TMEM132C: variants seen among roughly 807,000 people sequenced by gnomAD.
TMEM132C encodes protein phosphatase 1, regulatory subunit 152.
In TMEM132C, 29 loss-of-function variants were observed where a neutral mutation model predicts 61.4. That is an observed-to-expected ratio of 0.47 (90% CI 0.35 to 0.64). The LOEUF is 0.64. Ranked by LOEUF, TMEM132C falls within the 30% of genes least tolerant of loss-of-function variation. The pLI is 0.00. For synonymous variants in TMEM132C, 656 were observed against 633.1 expected (o/e 1.04, Z -0.54); for missense variants, 1,408 against 1,476.9 (o/e 0.95, Z 0.76).
intron 2 of TMEM132C, among the ~76,000 whole-genome samples, chr12:128,467,492 A>G (rs1380399403): frequency 6.6e-6 from 1 of 152,102 alleles, no homozygotes; most frequent in Non-Finnish European, 1.5e-5. Flanking sequence ...ATTGTTATGG[A>G]TGATTGTGAG....
intron 4 of TMEM132C, among the ~76,000 whole-genome samples, chr12:128,659,682 A>T (rs1448361651): frequency 6.6e-6 from 1 of 152,234 alleles, no homozygotes; most frequent in Non-Finnish European, 1.5e-5. Context: ...AAGGAAGGAC[A>T]CTTGGATTAA....
chr12:128,634,210 A>T (rs1954083505), intron 4 of TMEM132C, among the ~76,000 whole-genome samples: 1 of 152,178 alleles, frequency 6.6e-6, no homozygotes, highest in African/African-American at 2.4e-5. Context: ...AGTAGCTGGG[A>T]CTACAGGCAT....
At chr12:128,425,553 G>A (rs565859982) in intron 2 of TMEM132C, among the ~76,000 whole-genome samples, 13 of 152,274 alleles carry the variant, frequency 8.5e-5, no homozygotes, top group African/African-American at 1.4e-4. Context: ...AGCTCCCTGC[G>A]GCTGCCATAA....
intron 2 of TMEM132C, among the ~76,000 whole-genome samples, chr12:128,506,446 C>T (rs10744377): frequency 0.46 from 69,282 of 152,046 alleles, 16,005 homozygotes; most frequent in East Asian, 0.57. Context: ...GCCATGACTG[C>T]ACGGCTGCCT....
At chr12:128,433,002 A>AAAATAAATAAAT (rs72373120) in intron 2 of TMEM132C, among the ~76,000 whole-genome samples, 1 of 146,470 alleles carries the variant, frequency 6.8e-6, no homozygotes. Context: ...CACCAGCCAA[A>AAAATAAATAAAT]AAATAAATAA....
intron 6 of TMEM132C, among the ~76,000 whole-genome samples, chr12:128,694,723 T>C (rs1954745295): frequency 6.6e-6 from 1 of 152,174 alleles, no homozygotes; most frequent in Non-Finnish European, 1.5e-5. Flanking sequence ...AGTAGGACAG[T>C]GAGATGCGGA....
intron 5 of TMEM132C, among the ~76,000 whole-genome samples, chr12:128,688,857 G>T (rs571781929): frequency 5.9e-5 from 9 of 152,106 alleles, no homozygotes; most frequent in Admixed American, 6.5e-5. Flanking sequence ...TCAGTGGTGC[G>T]ATCTCAGCTC....
chr12:128,344,522 C>T (rs1451832643), intron 1 of TMEM132C, among the ~76,000 whole-genome samples: 1 of 152,126 alleles, frequency 6.6e-6, no homozygotes, highest in Non-Finnish European at 1.5e-5. Flanking sequence ...GAGGTAACTC[C>T]ATCTTTAACA....
Position 128,372,432 on chromosome 12 carries a change from G to A in TMEM132C, c.86-42300G>A, listed in dbSNP as rs1277059579. Among the ~76,000 whole-genome samples, 4 of 152,170 alleles carry A rather than the reference G, an allele frequency of 2.6e-5. No homozygotes were observed. In the East Asian group the frequency reaches 7.7e-4, roughly 29 times the overall value. ...AGAGAAAGACAGAGACAGACAGAGT[G>A]ACTGAAAGCACAAGATGAAATAAAC... On this transcript the variant is annotated intron_variant, in intron 1 of 8. Transcript: ENST00000435159.
intron 5 of TMEM132C, among the ~76,000 whole-genome samples, chr12:128,672,381 T>G (rs7313625): frequency 0.76 from 116,085 of 151,994 alleles, 45,152 homozygotes; most frequent in South Asian, 0.89. Flanking sequence ...TAGAGGTAAA[T>G]AACCTTTCAG....
chr12:128,611,951 G>T (rs1876648724), intron 3 of TMEM132C, among the ~76,000 whole-genome samples: 1 of 152,176 alleles, frequency 6.6e-6, no homozygotes, highest in African/African-American at 2.4e-5. Context: ...TTTCAAAATG[G>T]GGTTGCATTT....
chr12:128,429,701 CAAG>C (rs544730083), intron 2 of TMEM132C, among the ~76,000 whole-genome samples: 8 of 152,282 alleles, frequency 5.3e-5, no homozygotes, highest in East Asian at 1.9e-4. Context: ...TGTTAGAAAA[CAAG>C]AAGAACAGGG....
At chr12:128,599,980 GT>G (rs1402083277) in intron 3 of TMEM132C, among the ~76,000 whole-genome samples, 4 of 151,892 alleles carry the variant, frequency 2.6e-5, no homozygotes, top group Non-Finnish European at 5.9e-5. Context: ...TTTGTTTTTT[GT>G]TTTTTGTTTT....
chr12:128,283,076 G>A lies in TMEM132C; in HGVS notation c.85+15589G>A, dbSNP rs188158662. On this transcript the variant is annotated intron_variant, in intron 1 of 8. Coordinates refer to ENST00000435159, the MANE Select transcript of TMEM132C (RefSeq NM_001136103.3). ...TGTTCAGAGTCTACGTGATGATCCT[G>A]TTCCTCATTAGAATTTCAACATTTC... Among the ~76,000 whole-genome samples the A allele has an allele frequency of 5.3e-5, 8 of 152,282 alleles. No individual in the cohort carries two copies. The East Asian group carries it at 1.3e-3, about 26-fold the overall frequency.
At chr12:128,377,941 C>T (rs1055918921) in intron 1 of TMEM132C, among the ~76,000 whole-genome samples, 3 of 152,116 alleles carry the variant, frequency 2.0e-5, no homozygotes, top group Non-Finnish European at 2.9e-5. Context: ...TCTCTGCCCT[C>T]GTCATTTCCA....
At position 128,697,349 on chromosome 12, in the gene TMEM132C, C is replaced by T. The variant is rs1377355923; in HGVS notation, c.2055C>T (p.Asn685=). The T allele has an allele frequency of 2.1e-5, 33 of 1,551,094 alleles. No homozygotes were observed. Among genetic ancestry groups the T allele is most frequent in the South Asian group, 1.8e-4 (15 of 84,012 alleles). Residue 685 remains asparagine, a synonymous_variant, in exon 8 of 9, where the codon AAC becomes AAT. Transcript: ENST00000435159. ...VAGLSVALYP[N]AENSKAVTAV... ...GGCTGTCTGTCGCCCTTTACCCCAACGCAGAAAACAGCAAGGCCGTAACAG... is the reference window on the plus strand; with the variant it reads ...GGCTGTCTGTCGCCCTTTACCCCAATGCAGAAAACAGCAAGGCCGTAACAG...
At chr12:128,381,301 A>G (rs1322693827) in intron 1 of TMEM132C, among the ~76,000 whole-genome samples, 2 of 152,204 alleles carry the variant, frequency 1.3e-5, no homozygotes, top group Non-Finnish European at 2.9e-5. Context: ...ACAGAATCCC[A>G]CAAATGATGG....
chr12:128,466,822 A>G (rs1021065200), intron 2 of TMEM132C, among the ~76,000 whole-genome samples: 2 of 152,168 alleles, frequency 1.3e-5, no homozygotes, highest in East Asian at 1.9e-4. Flanking sequence ...CTGGCCAGGT[A>G]CACTTCTTTA....
At chr12:128,547,864 C>T (rs1167251043) in intron 3 of TMEM132C, among the ~76,000 whole-genome samples, 2 of 152,200 alleles carry the variant, frequency 1.3e-5, no homozygotes, top group Admixed American at 1.3e-4. Context: ...GCTGTTTCTT[C>T]AAAGGCACAA....
Sources: gnomAD v4.1 joint callset for allele counts (sites outside exome capture counted in the v4.1 genomes callset) on GRCh38, gnomAD v4.1.1 for gene constraint, MANE v1.5 for transcripts, NCBI Gene and HGNC (gene_info 2026-07-23, HGNC 2026-07-21) for gene names.